FILIP1L: variants seen among roughly 807,000 people sequenced by gnomAD.
FILIP1L encodes the protein filamin A interacting protein 1 like, also known as filamin A-interacting protein 1-like.
FILIP1L carries 55 observed loss-of-function variants against 96.6 expected under a neutral mutation model. The observed-to-expected ratio is 0.57, with a 90% confidence interval of 0.46 to 0.71. The LOEUF (loss-of-function observed/expected upper bound fraction) is 0.71, where lower values mean the gene tolerates loss of function less well. Among genes scored for constraint, FILIP1L ranks in the 30% least tolerant of loss-of-function variants. The probability of loss-of-function intolerance (pLI) is 0.00; values close to 1 mark genes in which losing one functional copy is unlikely to be tolerated. For missense variants in FILIP1L, 1,304 were observed against 1,321.2 expected, an observed-to-expected ratio of 0.99 and a Z score of 0.20; for synonymous variants, 467 against 473.9, an observed-to-expected ratio of 0.99 and a Z score of 0.19.
intron 4 of FILIP1L, among the ~76,000 whole-genome samples, chr3:99,877,350 C>T (rs1559672664): frequency 6.6e-6 from 1 of 152,082 alleles, no homozygotes; most frequent in Non-Finnish European, 1.5e-5. Flanking sequence ...ATAGTCTGCT[C>T]GCTTCATTTT....
rs759664886 is a variant in FILIP1L at position 100,025,627 on chromosome 3, C to G, written c.-11+88426G>C. 26 of 152,116 alleles carry G rather than the reference C, an allele frequency of 1.7e-4. 1 individual carries two copies. Among genetic ancestry groups the G allele is most frequent in the Admixed American group, 7.2e-4 (11 of 15,262 alleles). 9.4% of individuals were successfully genotyped at this position (152,116 alleles called of 1,614,324 possible). On this transcript the variant is annotated intron_variant, in intron 1 of 5. Coordinates refer to ENST00000477258, the MANE Select transcript of FILIP1L (RefSeq NM_001387850.1). ...GAGCTTCCTGGTAGACAAAGTGAAA[C>G]AAGTCTTTGGGTTCATGTTATTTCT...
chr3:99,845,234 G>A (rs1328381862), intron 5 of FILIP1L, among the ~76,000 whole-genome samples: 1 of 152,158 alleles, frequency 6.6e-6, no homozygotes, highest in Non-Finnish European at 1.5e-5. Flanking sequence ...TGCCCCTAGA[G>A]AGCAGTGGCA....
intron 1 of FILIP1L, among the ~76,000 whole-genome samples, chr3:100,042,269 G>A (rs892940579): frequency 2.6e-5 from 4 of 152,158 alleles, no homozygotes; most frequent in Non-Finnish European, 2.9e-5. Context: ...CAGTCACAGA[G>A]CTTAGTGCTG....
intron 4 of FILIP1L, among the ~76,000 whole-genome samples, chr3:99,911,498 A>G (rs1478107566): frequency 6.6e-6 from 1 of 152,004 alleles, no homozygotes. Context: ...TGGTCTCAGG[A>G]TAAAGGGGAA....
chr3:100,074,697 T>TTTTTTTTTC, intron 1 of FILIP1L, among the ~76,000 whole-genome samples: 1 of 113,380 alleles, frequency 8.8e-6, no homozygotes, highest in Non-Finnish European at 1.8e-5. Flanking sequence ...TTTTTTTTTT[T>TTTTTTTTTC]TTTTTTTTTT....
chr3:99,866,393 T>G (rs143284118), intron 4 of FILIP1L, among the ~76,000 whole-genome samples: 1 of 152,120 alleles, frequency 6.6e-6, no homozygotes, highest in South Asian at 2.1e-4. Context: ...AGTGGGAAAT[T>G]CAAACTTCAG....
At chr3:99,911,741 C>T (rs1706795891) in intron 4 of FILIP1L, among the ~76,000 whole-genome samples, 1 of 152,156 alleles carries the variant, frequency 6.6e-6, no homozygotes, top group Admixed American at 6.5e-5. Flanking sequence ...TTGTACATGC[C>T]TCTGTTACAG....
chr3:100,075,160 A>G (rs1308554171), intron 1 of FILIP1L, among the ~76,000 whole-genome samples: 1 of 152,234 alleles, frequency 6.6e-6, no homozygotes, highest in Admixed American at 6.5e-5. Context: ...TACATTAGAT[A>G]GAGATCGTCA....
intron 4 of FILIP1L, among the ~76,000 whole-genome samples, chr3:99,879,901 C>T (rs1705666002): frequency 6.6e-6 from 1 of 152,134 alleles, no homozygotes; most frequent in Non-Finnish European, 1.5e-5. Context: ...GGTATAGTTC[C>T]ATGGTCCTGC....
intron 1 of FILIP1L, among the ~76,000 whole-genome samples, chr3:100,009,119 T>C (rs755141770): frequency 3.9e-5 from 6 of 152,286 alleles, no homozygotes; most frequent in Non-Finnish European, 8.8e-5. Flanking sequence ...ATTAGAATAT[T>C]CCCGAATGAG....
chr3:100,014,173 T>A (rs1710249033), intron 1 of FILIP1L, among the ~76,000 whole-genome samples: 1 of 151,030 alleles, frequency 6.6e-6, no homozygotes, highest in Non-Finnish European at 1.5e-5. Flanking sequence ...AAACCCTGAA[T>A]AGTAGTATTA....
At chr3:99,864,485 T>G (rs1416370014) in intron 4 of FILIP1L, among the ~76,000 whole-genome samples, 2 of 152,138 alleles carry the variant, frequency 1.3e-5, no homozygotes, top group Non-Finnish European at 2.9e-5. Context: ...ACAGTACAGG[T>G]AACAGACCAG....
At chr3:100,110,083 C>T (rs980039781) in intron 1 of FILIP1L, 1 of 151,894 alleles carries the variant, frequency 6.6e-6, no homozygotes, top group Admixed American at 6.6e-5. Flanking sequence ...CCCCTGGTAG[C>T]TTTGGGAATA....
intron 4 of FILIP1L, among the ~76,000 whole-genome samples, chr3:99,907,019 A>T (rs188488616): frequency 6.6e-6 from 1 of 152,338 alleles, no homozygotes; most frequent in East Asian, 1.9e-4. Flanking sequence ...TAGATAATTT[A>T]AAACTTGTTT....
At chr3:99,984,873 A>C (rs1164985531) in intron 1 of FILIP1L, among the ~76,000 whole-genome samples, 10 of 152,264 alleles carry the variant, frequency 6.6e-5, no homozygotes, top group Non-Finnish European at 1.3e-4. Context: ...CACAGTATAT[A>C]GATATTAACA....
At chr3:99,896,464 A>G (rs747278110) in intron 4 of FILIP1L, among the ~76,000 whole-genome samples, 27 of 152,306 alleles carry the variant, frequency 1.8e-4, no homozygotes, top group Middle Eastern at 3.4e-3. Flanking sequence ...GGTTTTTTTC[A>G]TGAATGGTAG....
intron 1 of FILIP1L, among the ~76,000 whole-genome samples, chr3:99,996,819 G>A (rs758828142): frequency 1.1e-4 from 16 of 151,946 alleles, no homozygotes; most frequent in South Asian, 1.0e-3. Flanking sequence ...ATCTCCCACC[G>A]AGTCCCTCCC....
chr3:100,102,993 TAC>T (rs1218600775), intron 1 of FILIP1L, among the ~76,000 whole-genome samples: 1 of 152,216 alleles, frequency 6.6e-6, no homozygotes, highest in African/African-American at 2.4e-5. Flanking sequence ...CTTATGGCAC[TAC>T]AGGTGCCAGT....
chr3:100,108,564 C>G (rs372049115), intron 1 of FILIP1L, among the ~76,000 whole-genome samples: 55 of 152,264 alleles, frequency 3.6e-4, no homozygotes, highest in Middle Eastern at 6.8e-3. Context: ...GGTTTTGACT[C>G]TGATTTTGTT....
Sources: allele counts gnomAD v4.1 joint callset (sites outside exome capture counted in the v4.1 genomes callset), GRCh38; gene constraint gnomAD v4.1.1; transcripts MANE v1.5; gene names NCBI Gene and HGNC (gene_info 2026-07-23, HGNC 2026-07-21).